GPHN: variants seen among roughly 807,000 people sequenced by gnomAD.
GPHN encodes gephyrin.
In GPHN, 17 loss-of-function variants were observed where a neutral mutation model predicts 95.5. The observed-to-expected ratio is 0.18, with a 90% CI of 0.12 to 0.27. The LOEUF (loss-of-function observed/expected upper bound fraction) is 0.27. GPHN is among the 10% of genes least tolerant of loss of function. GPHN has a pLI of 1.00. For synonymous variants in GPHN, 320 were observed against 322.5 expected, an observed-to-expected ratio of 0.99 and a Z score of 0.08; for missense variants, 660 against 978.1, an observed-to-expected ratio of 0.67 and a Z score of 4.34.
chr14:66,525,325 C>A (rs1431718399), intron 1 of GPHN, among the ~76,000 whole-genome samples: 1 of 152,070 alleles, frequency 6.6e-6, no homozygotes, highest in Non-Finnish European at 1.5e-5. Flanking sequence ...TATCCTTCAC[C>A]CACTTTTTGG....
the GPHN span, among the ~76,000 whole-genome samples, chr14:67,561,716 C>T: frequency 6.0e-5 from 9 of 150,816 alleles, no homozygotes; most frequent in African/African-American, 1.5e-4. Flanking sequence ...AAAAAATAAA[C>T]GAAATTAACT....
rs1217814465 is a variant in GPHN at position 66,541,381 on chromosome 14, G to C, written c.64+32790G>C. On this transcript the variant is annotated intron_variant, in intron 1 of 22. Transcript: ENST00000478722. Reference sequence around the variant, plus strand: ...AGGATATGTGTTTTTAAGGGAGAAGGTACTAGAAATAATAAAAGTCAAGAA... The same window carrying C: ...AGGATATGTGTTTTTAAGGGAGAAGCTACTAGAAATAATAAAAGTCAAGAA... Among the ~76,000 whole-genome samples the C allele has an allele frequency of 2.0e-5, 3 of 152,106 alleles. No individual in the cohort carries two copies. In the East Asian group the frequency reaches 5.8e-4, roughly 29 times the overall value.
intron 1 of GPHN, among the ~76,000 whole-genome samples, chr14:66,643,292 T>TA (rs1164150037): frequency 1.3e-5 from 2 of 152,120 alleles, no homozygotes; most frequent in Non-Finnish European, 2.9e-5. Context: ...GGATATCTGA[T>TA]ACACAAATTG....
At chr14:67,338,644 C>T in the GPHN span, 1 of 1,614,032 alleles carries the variant, frequency 6.2e-7, no homozygotes, top group Non-Finnish European at 8.5e-7. Context: ...AGATCCTCGT[C>T]CTTCTCTTCA....
At chr14:67,691,372 T>A in the GPHN span, 7 of 647,780 alleles carry the variant, frequency 1.1e-5, no homozygotes, top group East Asian at 1.5e-4. Flanking sequence ...TTTTCCTTCA[T>A]ATTTATTTTC....
the GPHN span, chr14:67,691,253 A>T: frequency 1.9e-6 from 3 of 1,603,996 alleles, no homozygotes; most frequent in Admixed American, 5.0e-5. Context: ...CTCTGCAGGG[A>T]CAAGACGATG....
intron 1 of GPHN, among the ~76,000 whole-genome samples, chr14:66,616,710 A>AC (rs761003440): frequency 6.7e-6 from 1 of 149,500 alleles, no homozygotes; most frequent in Non-Finnish European, 1.5e-5. Context: ...GGGGAACAGG[A>AC]CCCCTTTTTT....
At chr14:67,557,208 T>C in the GPHN span, 1 of 1,452,682 alleles carries the variant, frequency 6.9e-7, no homozygotes, top group Non-Finnish European at 9.6e-7. Flanking sequence ...CCCACGTTAC[T>C]GGCCACTGCA....
chr14:67,401,349 CAAAT>C, the GPHN span, among the ~76,000 whole-genome samples: 2 of 151,618 alleles, frequency 1.3e-5, no homozygotes, highest in African/African-American at 4.8e-5. Flanking sequence ...AATAAATAAA[CAAAT>C]AAATAAAAAT....
chr14:67,020,911 T>A (rs556417009), intron 9 of GPHN, among the ~76,000 whole-genome samples: 11 of 152,000 alleles, frequency 7.2e-5, no homozygotes, highest in African/African-American at 2.2e-4. Flanking sequence ...TTTTTTCCCA[T>A]AGAGTAAAGC....
chr14:67,301,977 T>C, the GPHN span: 1 of 1,583,554 alleles, frequency 6.3e-7, no homozygotes, highest in Non-Finnish European at 8.6e-7. Flanking sequence ...AACAGGCACT[T>C]TTACTGGCCC....
chr14:66,591,091 C>T (rs548738324), intron 1 of GPHN, among the ~76,000 whole-genome samples: 6 of 152,106 alleles, frequency 3.9e-5, no homozygotes, highest in South Asian at 4.2e-4. Flanking sequence ...AAAAGGCCTC[C>T]GATAAAATTC....
chr14:67,713,398 A>AT, the GPHN span, among the ~76,000 whole-genome samples: 5 of 1,722 alleles, frequency 2.9e-3, no homozygotes, highest in Admixed American at 8.3e-3. Context: ...GTAAAACTCC[A>AT]AAAAAAAAAA....
At chr14:66,838,584 G>C (rs967789382) in intron 4 of GPHN, among the ~76,000 whole-genome samples, 1 of 152,032 alleles carries the variant, frequency 6.6e-6, no homozygotes, top group African/African-American at 2.4e-5. Flanking sequence ...CTTTGGTTTT[G>C]CAAAATATGT....
chr14:66,709,093 A>G (rs2069362965), intron 2 of GPHN, among the ~76,000 whole-genome samples: 1 of 152,166 alleles, frequency 6.6e-6, no homozygotes, highest in African/African-American at 2.4e-5. Context: ...GGTTAAAATA[A>G]TCATATCTTA....
At chr14:66,753,372 A>G (rs1262828594) in intron 2 of GPHN, among the ~76,000 whole-genome samples, 1 of 152,024 alleles carries the variant, frequency 6.6e-6, no homozygotes, top group East Asian at 1.9e-4. Context: ...TCATGAATGA[A>G]CCCAGCTGAG....
At chr14:67,587,427 A>G in the GPHN span, 1 of 636,362 alleles carries the variant, frequency 1.6e-6, no homozygotes, top group Admixed American at 2.8e-5. Flanking sequence ...AACTTTTTAA[A>G]ATCCAGACCC....
chr14:67,245,606 C>G, the GPHN span, among the ~76,000 whole-genome samples: 3 of 152,088 alleles, frequency 2.0e-5, no homozygotes, highest in Non-Finnish European at 4.4e-5. Flanking sequence ...CCTGCCTCAG[C>G]CTCCCAAAGT....
At chr14:67,665,463 C>G in the GPHN span, among the ~76,000 whole-genome samples, 3 of 151,820 alleles carry the variant, frequency 2.0e-5, no homozygotes, top group African/African-American at 7.3e-5. Context: ...GAGATGGGGC[C>G]TCACTATGTT....
Sources: allele counts gnomAD v4.1 joint callset (sites outside exome capture counted in the v4.1 genomes callset), GRCh38; gene constraint gnomAD v4.1.1; transcripts MANE v1.5; gene names NCBI Gene and HGNC (gene_info 2026-07-23, HGNC 2026-07-21).